Variants in KAZN observed in about 807,000 individuals in gnomAD.
KAZN encodes kazrin, periplakin interacting protein, also known as kazrin.
In KAZN, 40 loss-of-function variants were observed where a neutral mutation model predicts 87.4. The observed-to-expected ratio is 0.46, with a 90% CI of 0.36 to 0.60. The LOEUF (loss-of-function observed/expected upper bound fraction) is 0.60, where lower values mean the gene tolerates loss of function less well. Among genes scored for constraint, KAZN ranks in the 20% least tolerant of loss-of-function variants. The pLI is 0.00. For missense variants in KAZN, 898 were observed against 1,073.9 expected, an observed-to-expected ratio of 0.84 and a Z score of 2.29; for synonymous variants, 466 against 458.3, an observed-to-expected ratio of 1.02 and a Z score of -0.22.
At chr1:14,367,381 C>G (rs1314497726) in intron 2 of KAZN, among the ~76,000 whole-genome samples, 3 of 152,178 alleles carry the variant, frequency 2.0e-5, no homozygotes, top group African/African-American at 7.2e-5. Context: ...CTACTTCTCT[C>G]CAATGTCCAA....
At chr1:14,174,110 AGGTTGTAACTGAG>A (rs1646017327) in intron 1 of KAZN, among the ~76,000 whole-genome samples, 1 of 152,234 alleles carries the variant, frequency 6.6e-6, no homozygotes, top group South Asian at 2.1e-4. Context: ...AGCACTGGAC[AGGTTGTAACTGAG>A]GGTACACACT....
chr1:14,278,326 T>C (rs191803833), intron 2 of KAZN, among the ~76,000 whole-genome samples: 1 of 149,286 alleles, frequency 6.7e-6, no homozygotes, highest in African/African-American at 2.5e-5. Context: ...AGTCTTGCTC[T>C]GTCGCACAGG....
At chr1:14,450,272 T>C (rs1667199605) in intron 2 of KAZN, among the ~76,000 whole-genome samples, 1 of 152,204 alleles carries the variant, frequency 6.6e-6, no homozygotes, top group Non-Finnish European at 1.5e-5. Flanking sequence ...CATGATAAGC[T>C]AGCACAGGGC....
chr1:14,887,654 C>T (rs1055667028), intron 1 of KAZN, among the ~76,000 whole-genome samples: 1 of 151,176 alleles, frequency 6.6e-6, no homozygotes, highest in Non-Finnish European at 1.5e-5. Flanking sequence ...GAACCATCAA[C>T]CCGTCGTGGT....
At chr1:14,053,365 G>A (rs1028517041) in intron 1 of KAZN, among the ~76,000 whole-genome samples, 7 of 152,324 alleles carry the variant, frequency 4.6e-5, no homozygotes, top group African/African-American at 9.6e-5. Context: ...CTTGATTGCC[G>A]TCCAGTGAGA....
At chr1:14,236,344 C>G (rs1260801841) in intron 2 of KAZN, among the ~76,000 whole-genome samples, 1 of 152,164 alleles carries the variant, frequency 6.6e-6, no homozygotes, top group Non-Finnish European at 1.5e-5. Context: ...AGGGTTTCGC[C>G]CCTCTTCCTA....
chr1:14,664,514 A>G (rs1639394973), intron 1 of KAZN, among the ~76,000 whole-genome samples: 1 of 152,164 alleles, frequency 6.6e-6, no homozygotes, highest in Non-Finnish European at 1.5e-5. Flanking sequence ...GAAAAAAACA[A>G]TTTAGTGATT....
rs746067221 is a variant in KAZN, at chr1:13,930,958, T to C, written c.91+37202T>C. ...ATCTGCCCCATGGCCTTGTGGGTCC[T>C]GGCTCTATACCTCCAGTGTCTTACC... On this transcript the variant is annotated intron_variant, in intron 1 of 16. Transcript: ENST00000636203. 6.0e-4 allele frequency among the ~76,000 whole-genome samples: 91 copies of C among 152,210 alleles called. 1 individual carries two copies. Among genetic ancestry groups the C allele is most frequent in the Non-Finnish European group, 1.2e-4 (8 of 68,026 alleles).
At chr1:14,703,314 G>C (rs1642029637) in intron 1 of KAZN, among the ~76,000 whole-genome samples, 1 of 152,152 alleles carries the variant, frequency 6.6e-6, no homozygotes, top group African/African-American at 2.4e-5. Context: ...AATCCCCATG[G>C]GTCATGGGAG....
intron 1 of KAZN, among the ~76,000 whole-genome samples, chr1:14,925,889 T>C (rs116156483): frequency 1.3e-5 from 2 of 152,198 alleles, no homozygotes; most frequent in South Asian, 4.1e-4. Context: ...CGGGTTGAGG[T>C]AAAACAGCAT....
rs113856136 is a variant in KAZN, at chr1:14,645,782, C to T, written c.226+46559C>T. Among the ~76,000 whole-genome samples, 281 of 152,274 alleles carry T rather than the reference C, an allele frequency of 1.8e-3. 2 individuals are homozygous for T. Among genetic ancestry groups the T allele is most frequent in the South Asian group, 0.013 (62 of 4,822 alleles). On this transcript the variant is annotated intron_variant, in intron 1 of 14. Coordinates refer to ENST00000376030, the MANE Select transcript of KAZN (RefSeq NM_201628.3). The stretch of plus-strand genomic sequence containing the variant: ...GCTTTGGCTAGGACTTCCAATACTA[C>T]GTTGAGTAGGAGTGGTGAGAGAGGG...
intron 1 of KAZN, among the ~76,000 whole-genome samples, chr1:13,990,171 A>C (rs529896210): frequency 1.3e-4 from 20 of 152,332 alleles, no homozygotes; most frequent in African/African-American, 4.8e-4. Flanking sequence ...TTCACTTCCT[A>C]GGTATCTACC....
intron 1 of KAZN, among the ~76,000 whole-genome samples, chr1:14,653,998 T>C (rs1002314427): frequency 2.6e-5 from 4 of 151,924 alleles, no homozygotes; most frequent in African/African-American, 9.7e-5. Flanking sequence ...ACCAAAAATA[T>C]CTCCAGGCCA....
At chr1:15,027,825 GTTGT>G (rs75138304) in intron 2 of KAZN, among the ~76,000 whole-genome samples, 98 of 151,964 alleles carry the variant, frequency 6.4e-4, no homozygotes, top group African/African-American at 1.8e-3. Flanking sequence ...GCCCACAGTG[GTTGT>G]TTGTTTGTTT....
intron 1 of KAZN, among the ~76,000 whole-genome samples, chr1:14,675,491 G>T (rs1038441300): frequency 2.0e-5 from 3 of 152,104 alleles, no homozygotes; most frequent in African/African-American, 7.2e-5. Flanking sequence ...TTTCATGCCT[G>T]TGTCCTCAGT....
intron 8 of KAZN, among the ~76,000 whole-genome samples, chr1:15,078,960 A>C (rs1297314772): frequency 6.6e-6 from 1 of 152,218 alleles, no homozygotes; most frequent in Admixed American, 6.5e-5. Flanking sequence ...GCCTTTGTGC[A>C]ATGCATAGTG....
At chr1:14,327,632 C>G (rs112558484) in intron 2 of KAZN, among the ~76,000 whole-genome samples, 2,089 of 152,238 alleles carry the variant, frequency 0.014, 46 homozygotes, top group African/African-American at 0.048. Context: ...CACAAGTGCC[C>G]ATCAATAAAG....
chr1:13,925,593 C>T (rs12127990), intron 1 of KAZN, among the ~76,000 whole-genome samples: 16,058 of 152,098 alleles, frequency 0.11, 971 homozygotes, highest in African/African-American at 0.15. Context: ...GGAAGTGAGG[C>T]CCGAGAGGCA....
intron 1 of KAZN, among the ~76,000 whole-genome samples, chr1:14,155,391 T>G (rs577838347): frequency 6.6e-6 from 1 of 152,328 alleles, no homozygotes; most frequent in Admixed American, 6.5e-5. Context: ...CTTTTTAATC[T>G]CTGCATTTAT....
Sources: gnomAD v4.1 joint callset for allele counts (sites outside exome capture counted in the v4.1 genomes callset) on GRCh38, gnomAD v4.1.1 for gene constraint, MANE v1.5 for transcripts, NCBI Gene and HGNC (gene_info 2026-07-23, HGNC 2026-07-21) for gene names.